Variants in DUOX2 observed in about 807,000 individuals in gnomAD.
DUOX2 encodes dual oxidase 2, also known as NADH/NADPH thyroid oxidase p138-tox.
In DUOX2, 185 loss-of-function variants were observed where a neutral mutation model predicts 183.3. The observed-to-expected ratio is 1.01, with a 90% confidence interval of 0.90 to 1.14. The LOEUF (loss-of-function observed/expected upper bound fraction) is 1.14. DUOX2 is among the 50% of genes most tolerant of loss of function. The pLI is 0.00. For missense variants in DUOX2, 1,999 were observed against 2,022.9 expected (o/e 0.99, Z 0.23); for synonymous variants, 788 against 812.4 (o/e 0.97, Z 0.51).
intron 9 of DUOX2, 67 bp downstream of exon 9, chr15:45,110,361 G>GC: frequency 6.9e-7 from 1 of 1,459,274 alleles, no homozygotes; most frequent in Non-Finnish European, 9.3e-7. Context: ...AAAGGCCCCA[G>GC]CCCCCAAGGC....
chr15:45,108,699 A>G, intron 12 of DUOX2, 90 bp downstream of exon 12: 1 of 1,330,934 alleles, frequency 7.5e-7, no homozygotes, highest in Non-Finnish European at 1.1e-6. Flanking sequence ...ATTATTATGT[A>G]GATTAAATGA....
Position 45,100,050 on chromosome 15 carries a change from A to G in DUOX2, c.3184T>C (p.Tyr1062His). 1 of 1,614,246 alleles carries G rather than the reference A, an allele frequency of 6.2e-7. No homozygotes were observed. The change falls in exon 24 of 34, where the codon TAC becomes CAC. Residue 1062 changes from tyrosine to histidine, a missense_variant and splice_region_variant. Tyr to His is a moderately conservative substitution (Grantham distance 83). Around this residue, in one of 3 missense-constraint regions of DUOX2, gnomAD observed 1,628 missense variants for 1,608.6 expected, o/e 1.01. Transcript: ENST00000389039. ...ACTGCCCACAGCCTGGAACTCTTAC[A>G]GTAAGCACGATCTGCAAACACGCCA... ...CVGVFADRAY[Y>H]YGFASPPSDI... is the part of the protein sequence containing the mutation.
rs907113830 is a variant in DUOX2 at position 45,105,532 on chromosome 15, C to G, written c.2334+111G>C. 2.9e-6 allele frequency: 4 copies of G among 1,359,424 alleles called. No homozygotes were observed. In the African/African-American group the frequency reaches 4.3e-5, roughly 15 times the overall value. 84.2% of individuals were successfully genotyped at this position (1,359,424 alleles called of 1,614,324 possible). On this transcript the variant is annotated intron_variant, in intron 18 of 33. Transcript: ENST00000389039. ...CCAGGATTCAAACAAGGCTATTTCT[C>G]TCCAGGCCATAGAGCGGAAGCTTAG...
intron 18 of DUOX2, among the ~76,000 whole-genome samples, chr15:45,105,002 G>T (rs982898074): frequency 1.3e-5 from 2 of 152,060 alleles, no homozygotes; most frequent in African/African-American, 4.8e-5. Flanking sequence ...TGTATTTTTA[G>T]TAGAGATGGG....
intron 11 of DUOX2, 198 bp from the exon 12 acceptor site, chr15:45,109,150 G>C (rs1894311306): frequency 1.4e-6 from 1 of 692,468 alleles, no homozygotes; most frequent in Non-Finnish European, 2.5e-6. Context: ...AGTTTTTCCA[G>C]TAAGACCCTT....
rs1450876960 is a variant in DUOX2 at position 45,095,811 on chromosome 15, T to A, written c.4080+17A>T. 3 of 1,609,008 alleles carry A rather than the reference T, an allele frequency of 1.9e-6. No individual in the cohort carries two copies. The highest frequency in any genetic ancestry group is 2.6e-6 in the Non-Finnish European group (3 of 1,175,968). On this transcript the variant is annotated intron_variant, in intron 30 of 33. Coordinates refer to ENST00000389039, the MANE Select transcript of DUOX2 (RefSeq NM_001363711.2). ...CAGTGCCAGAGGCCCGGAAGCAGGGTTCCCAGTGACGGGCACCTTTGGGTA... is the reference window on the plus strand; with the variant it reads ...CAGTGCCAGAGGCCCGGAAGCAGGGATCCCAGTGACGGGCACCTTTGGGTA...
rs119472027 is a variant in DUOX2 at position 45,106,217 on chromosome 15, G to A, written c.2056C>T (p.Gln686Ter). The change falls in exon 17 of 34, where the codon CAG becomes TAG. Residue 686 changes from glutamine (Q) to a stop codon, truncating the protein, a stop_gained. Transcript: ENST00000389039. LOFTEE classifies it high-confidence loss of function. ...TTGACCTGCTGCAGAGGCTGCAGCT[G>A]GACCACACGGAGCACAGTGAGATGC... ...NRHLTVLRVV[Q>*]LQPLQQVNLI... The A allele has an allele frequency of 1.9e-6, 3 of 1,614,136 alleles. No individual in the cohort carries two copies. The highest frequency in any genetic ancestry group is 2.5e-6 in the Non-Finnish European group (3 of 1,180,016).
In DUOX2 at chr15:45,097,267, C is replaced by T; in HGVS notation, c.3818G>A (p.Ser1273Asn). 3 of 1,614,240 alleles carry T rather than the reference C, an allele frequency of 1.9e-6. No individual in the cohort carries two copies. Among genetic ancestry groups the T allele is most frequent in the Non-Finnish European group, 2.5e-6 (3 of 1,180,050 alleles). Residue 1273 changes from serine (S) to asparagine (N), a missense_variant, in exon 29 of 34, where the codon AGC (serine) becomes AAC (asparagine). By Grantham distance (46) the Ser-to-Asn change is conservative (BLOSUM62 1). This residue lies in a region of DUOX2 where 1,628 missense variants were observed against 1,608.6 expected (regional missense o/e 1.01). Transcript: ENST00000389039. Reference sequence around the variant, plus strand: ...GGGCAGCAGCTCCGCCTTCACCACGCTGATCTCCACCTTCTTCCGGCTCAG... The same window carrying T: ...GGGCAGCAGCTCCGCCTTCACCACGTTGATCTCCACCTTCTTCCGGCTCAG... ...VSLSRKKVEI[S>N]VVKAELLPSG...
chr15:45,101,814 C>A lies in DUOX2; in HGVS notation c.2830G>T (p.Gly944Cys). The A allele has an allele frequency of 1.2e-6, 2 of 1,614,244 alleles. No homozygotes were observed. The highest frequency in any genetic ancestry group is 1.7e-6 in the Non-Finnish European group (2 of 1,180,042). Residue 944 changes from glycine to cysteine, a missense_variant, in exon 21 of 34, where the codon GGT becomes TGT. Physicochemically the swap from Gly to Cys is radical, Grantham distance 159. This residue lies in a region of DUOX2 where 1,628 missense variants were observed against 1,608.6 expected (regional missense o/e 1.01). Coordinates refer to ENST00000389039, the MANE Select transcript of DUOX2 (RefSeq NM_001363711.2). ...ELRFTQLCVK[G>C]GGGGGNGIRD... ...TCACCATTTCCACCTCCACCTCCAC[C>A]TTTGACACAGAGCTGCGTGAAGCGG... is the stretch of plus-strand genomic sequence containing the variant.
intron 7 of DUOX2, 75 bp from the exon 8 acceptor site, chr15:45,110,785 G>C (rs1894370950): frequency 6.2e-6 from 10 of 1,607,008 alleles, no homozygotes; most frequent in East Asian, 2.2e-5. Context: ...GCCCAAGGAC[G>C]GCTTCCGTGT....
At chr15:45,110,844 G>C (rs1273626089) in intron 7 of DUOX2, 134 bp from the exon 8 acceptor site, 1 of 1,337,262 alleles carries the variant, frequency 7.5e-7, no homozygotes, top group Admixed American at 2.0e-5. Context: ...ACTCAGACAG[G>C]AGCAGTGTGA....
chr15:45,097,125 T>C (rs1346747420), intron 29 of DUOX2, 113 bp downstream of exon 29: 1 of 1,523,222 alleles, frequency 6.6e-7, no homozygotes, highest in Non-Finnish European at 9.0e-7. Context: ...GTTGTTGTTT[T>C]TGGAGACAGA....
intron 22 of DUOX2, 44 bp from the exon 23 acceptor site, chr15:45,100,882 CAGG>C (rs768062063): frequency 2.0e-5 from 29 of 1,423,662 alleles, no homozygotes; most frequent in Non-Finnish European, 2.8e-5. Context: ...TCTTTGCAGC[CAGG>C]AGAACAACTC....
rs777284849 is a variant in DUOX2 at position 45,097,228 on chromosome 15, G to A, written c.3847+10C>T. On this transcript the variant is annotated intron_variant, in intron 29 of 33. Transcript: ENST00000389039. ...GTCGCTCCCGACCCAGGTCAGGCTG[G>A]GCCTGATACCTGAGGGCAGCAGCTC... is the stretch of plus-strand genomic sequence containing the variant. 28 of 1,614,004 alleles carry A rather than the reference G, an allele frequency of 1.7e-5. No homozygotes were observed. Among genetic ancestry groups the A allele is most frequent in the South Asian group, 3.3e-5 (3 of 91,092 alleles).
At chr15:45,102,234 A>G (rs1894103007) in intron 20 of DUOX2, among the ~76,000 whole-genome samples, 1 of 152,166 alleles carries the variant, frequency 6.6e-6, no homozygotes, top group Non-Finnish European at 1.5e-5. Context: ...AACAGGGGGC[A>G]TCTACAACTG....
rs545027844 is a variant in DUOX2 at position 45,107,615 on chromosome 15, G to A, written c.1575-152C>T. 8.4e-5 allele frequency: 71 copies of A among 849,882 alleles called. No homozygotes were observed. The East Asian group carries it at 9.9e-4, about 12-fold the overall frequency. 52.6% of individuals were successfully genotyped at this position (849,882 alleles called of 1,614,324 possible). On this transcript the variant is annotated intron_variant, in intron 13 of 33. Coordinates refer to ENST00000389039, the MANE Select transcript of DUOX2 (RefSeq NM_001363711.2). The stretch of plus-strand genomic sequence containing the variant: ...TCCCAACACTTTGGGAGGCCAAGGC[G>A]AGTGGATCACTTGAGGTCAGGAGTT...
chr15:45,112,053 A>T, intron 4 of DUOX2, 98 bp from the exon 5 acceptor site: 1 of 1,457,788 alleles, frequency 6.9e-7, no homozygotes, highest in Non-Finnish European at 9.4e-7. Flanking sequence ...CAAAAGACAG[A>T]GGTCCCAGTG....
chr15:45,109,761 T>C, intron 10 of DUOX2, 129 bp downstream of exon 10: 3 of 1,309,754 alleles, frequency 2.3e-6, no homozygotes, highest in South Asian at 2.4e-5. Context: ...CCCCGGATAA[T>C]TTCCTCTACC....
At chr15:45,095,310 T>C (rs1485295163) in intron 31 of DUOX2, 127 bp downstream of exon 31, 1 of 1,486,572 alleles carries the variant, frequency 6.7e-7, no homozygotes, top group Non-Finnish European at 9.3e-7. Context: ...TCTCAACCAC[T>C]GGGTAAGAAT....
Sources: gnomAD v4.1 joint callset for allele counts (sites outside exome capture counted in the v4.1 genomes callset) on GRCh38, gnomAD v4.1.1 for gene constraint, gnomAD v4.1.1 regional missense constraint, MANE v1.5 for transcripts, NCBI Gene and HGNC (gene_info 2026-07-23, HGNC 2026-07-21) for gene names.